The following PDE4D variants were observed in gnomAD, a reference collection of about 807,000 sequenced individuals.
PDE4D encodes the protein phosphodiesterase 4D, also known as 3',5'-cyclic-AMP phosphodiesterase 4D.
A neutral mutation model predicts 87.4 loss-of-function variants in PDE4D; 24 were observed. That is an observed-to-expected ratio of 0.27 (90% confidence interval 0.20 to 0.39). The LOEUF is 0.39. PDE4D is among the 10% of genes least tolerant of loss of function. The pLI is 1.00. For missense variants in PDE4D, 714 were observed against 1,041.0 expected (o/e 0.69, Z 4.32); for synonymous variants, 384 against 383.2 (o/e 1.00, Z -0.02).
chr5:59,592,192 C>A, intron 1 of PDE4D: 3 of 949,646 alleles, frequency 3.2e-6, no homozygotes, highest in Non-Finnish European at 3.8e-6. Context: ...ATTTATAACA[C>A]CAAAAACATT....
chr5:60,151,980 T>G lies in PDE4D; in HGVS notation c.42+33577A>C, dbSNP rs551993298. 2.7e-3 allele frequency among the ~76,000 whole-genome samples: 405 copies of G among 152,314 alleles called. 3 individuals are homozygous for G. Among genetic ancestry groups the G allele is most frequent in the African/African-American group, 9.4e-3 (390 of 41,574 alleles). ...AGGTGTTGAATTTTTTCAAAAACTTTTATTAAGATGCATCTATTAAGATGA... is the reference window on the plus strand; with the variant it reads ...AGGTGTTGAATTTTTTCAAAAACTTGTATTAAGATGCATCTATTAAGATGA... On this transcript the variant is annotated intron_variant, in intron 2 of 16. Coordinates refer to the PDE4D transcript ENST00000502484.
intron 5 of PDE4D, chr5:59,039,954 A>T (rs967438001): frequency 1.3e-5 from 2 of 152,102 alleles, no homozygotes; most frequent in East Asian, 3.9e-4. Flanking sequence ...ACGGCCGCGC[A>T]CCTGTCTCGC....
At chr5:60,416,293 C>T (rs1468616694) in intron 1 of PDE4D, among the ~76,000 whole-genome samples, 1 of 152,198 alleles carries the variant, frequency 6.6e-6, no homozygotes, top group East Asian at 1.9e-4. Context: ...AGAATAAAAG[C>T]AGGCTGCCTG....
At chr5:59,019,013 A>G (rs1228322032) in intron 6 of PDE4D, among the ~76,000 whole-genome samples, 52 of 151,296 alleles carry the variant, frequency 3.4e-4, no homozygotes, top group Admixed American at 2.8e-3. Context: ...CCGCTTAGAT[A>G]CATAGCCTTA....
At chr5:60,346,117 C>A (rs1300029343) in intron 1 of PDE4D, among the ~76,000 whole-genome samples, 3 of 152,126 alleles carry the variant, frequency 2.0e-5, no homozygotes, top group Admixed American at 6.6e-5. Flanking sequence ...AATACATATG[C>A]AACATGCATG....
chr5:59,309,609 G>A (rs1370816639), intron 1 of PDE4D, among the ~76,000 whole-genome samples: 1 of 152,108 alleles, frequency 6.6e-6, no homozygotes, highest in African/African-American at 2.4e-5. Flanking sequence ...CAGTATTTGG[G>A]GTGTTTCCCA....
At chr5:59,771,479 AAGAAAG>A (rs1413773136) in intron 1 of PDE4D, among the ~76,000 whole-genome samples, 5 of 68,474 alleles carry the variant, frequency 7.3e-5, no homozygotes, top group East Asian at 3.3e-4. Context: ...GAAAGAAAGA[AAGAAAG>A]AGAGAGAGAG....
intron 1 of PDE4D, among the ~76,000 whole-genome samples, chr5:59,301,678 G>T (rs1220371053): frequency 6.6e-6 from 1 of 152,092 alleles, no homozygotes; most frequent in Non-Finnish European, 1.5e-5. Flanking sequence ...AAGGGAAAGT[G>T]GGGGAGAGAG....
At chr5:59,888,685 G>A (rs915245423) in intron 1 of PDE4D, among the ~76,000 whole-genome samples, 3 of 151,934 alleles carry the variant, frequency 2.0e-5, no homozygotes, top group Non-Finnish European at 4.4e-5. Flanking sequence ...CACTGATGTA[G>A]ACAATCTGAA....
intron 1 of PDE4D, among the ~76,000 whole-genome samples, chr5:59,519,909 T>TACAC (rs34234985): frequency 6.6e-6 from 1 of 151,308 alleles, no homozygotes; most frequent in South Asian, 2.1e-4. Flanking sequence ...ACCCCCCAAA[T>TACAC]ACACACACAC....
Position 60,427,263 on chromosome 5 carries a change from A to G in PDE4D, c.-90+60679T>C, listed in dbSNP as rs576762916. 2.6e-5 allele frequency among the ~76,000 whole-genome samples: 4 copies of G among 152,328 alleles called. No individual in the cohort carries two copies. In the South Asian group the frequency reaches 8.3e-4, roughly 32 times the overall value. On this transcript the variant is annotated intron_variant, in intron 1 of 16. Transcript: ENST00000502484. ...CCACACCCAGGCACATTGTAGTAAA[A>G]CTGCAGCACATCCAAGATAAAGAGG... is the stretch of plus-strand genomic sequence containing the variant.
chr5:60,187,304 C>T (rs1169211081), intron 1 of PDE4D, among the ~76,000 whole-genome samples: 1 of 152,120 alleles, frequency 6.6e-6, no homozygotes, highest in Non-Finnish European at 1.5e-5. Context: ...AAATTAGCAT[C>T]CTATAGGTCC....
chr5:60,418,475 C>T (rs576529762), intron 1 of PDE4D, among the ~76,000 whole-genome samples: 3 of 151,872 alleles, frequency 2.0e-5, no homozygotes, highest in Non-Finnish European at 4.4e-5. Context: ...TTATATAAAT[C>T]GCTGCTGCTT....
At chr5:59,174,639 C>A (rs900515696) in intron 5 of PDE4D, among the ~76,000 whole-genome samples, 4 of 152,108 alleles carry the variant, frequency 2.6e-5, no homozygotes, top group Admixed American at 2.6e-4. Context: ...AGCTCATATA[C>A]AAATAATACA....
intron 1 of PDE4D, among the ~76,000 whole-genome samples, chr5:60,497,578 A>G (rs571657297): frequency 4.0e-5 from 6 of 151,434 alleles, no homozygotes; most frequent in African/African-American, 1.5e-4. Flanking sequence ...AATTTTTTTT[A>G]TTTTTTGTAG....
At chr5:59,190,074 C>T (rs1271870730) in intron 3 of PDE4D, among the ~76,000 whole-genome samples, 1 of 152,090 alleles carries the variant, frequency 6.6e-6, no homozygotes, top group East Asian at 1.9e-4. Context: ...GCTCTTTTCA[C>T]GTCAAAGGAA....
chr5:59,893,140 A>G (rs1365550020), intron 1 of PDE4D, 28 bp downstream of exon 1: 1 of 1,539,940 alleles, frequency 6.5e-7, no homozygotes, highest in Admixed American at 2.0e-5. Context: ...CCTTTGCCTG[A>G]ATGGGGGAGG....
rs188080511 is a variant in PDE4D, at chr5:59,538,729, C to T, written c.456-322761G>A. 1.6e-4 allele frequency among the ~76,000 whole-genome samples: 25 copies of T among 152,234 alleles called. No individual in the cohort carries two copies. In the East Asian group the frequency reaches 3.5e-3, roughly 21 times the overall value. On this transcript the variant is annotated intron_variant, in intron 1 of 14. Coordinates refer to ENST00000340635, the MANE Select transcript of PDE4D (RefSeq NM_001104631.2). ...CTTTCCCTTTTGTTGGAATGAAGTCCGGAATTCTTAACATGGATAGCAAGG... is the reference window on the plus strand; with the variant it reads ...CTTTCCCTTTTGTTGGAATGAAGTCTGGAATTCTTAACATGGATAGCAAGG...
At chr5:59,384,747 C>T (rs1786629326) in intron 1 of PDE4D, among the ~76,000 whole-genome samples, 2 of 151,740 alleles carry the variant, frequency 1.3e-5, no homozygotes, top group African/African-American at 4.8e-5. Context: ...CTCTATAATT[C>T]TAAGTAATAT....
Sources: allele counts gnomAD v4.1 joint callset (sites outside exome capture counted in the v4.1 genomes callset), GRCh38; gene constraint gnomAD v4.1.1; transcripts MANE v1.5; gene names NCBI Gene and HGNC (gene_info 2026-07-23, HGNC 2026-07-21).